Variants in GRID1 observed in about 807,000 individuals in gnomAD.
GRID1 encodes glutamate ionotropic receptor delta type subunit 1, also known as glutamate receptor ionotropic, delta-1.
A neutral mutation model predicts 98.0 loss-of-function variants in GRID1; 28 were observed. That is an observed-to-expected ratio of 0.29 (90% CI 0.21 to 0.39). GRID1 has a LOEUF of 0.39. Among genes scored for constraint, GRID1 ranks in the 10% least tolerant of loss-of-function variants. The probability of loss-of-function intolerance (pLI) is 1.00; values close to 1 mark genes in which losing one functional copy is unlikely to be tolerated. For missense variants in GRID1, 1,111 were observed against 1,340.5 expected (o/e 0.83, Z 2.67); for synonymous variants, 553 against 538.5 (o/e 1.03, Z -0.37).
chr10:86,294,330 C>A (rs778149269), intron 2 of GRID1, among the ~76,000 whole-genome samples: 17 of 152,172 alleles, frequency 1.1e-4, no homozygotes, highest in Non-Finnish European at 1.2e-4. Flanking sequence ...TTTCCTCTAG[C>A]GAGATGGGAG....
intron 14 of GRID1, among the ~76,000 whole-genome samples, chr10:85,618,420 C>T (rs1842817496): frequency 5.3e-5 from 8 of 152,204 alleles, no homozygotes; most frequent in Admixed American, 2.6e-4. Context: ...CTCAAGAACA[C>T]CAACGTGTTA....
intron 3 of GRID1, among the ~76,000 whole-genome samples, chr10:86,169,061 G>A (rs943459202): frequency 2.6e-5 from 4 of 152,324 alleles, no homozygotes; most frequent in Non-Finnish European, 4.4e-5. Context: ...TGTGTCTGAC[G>A]TAAAAGATGC....
chr10:85,885,725 C>T (rs1326654161), intron 5 of GRID1, among the ~76,000 whole-genome samples: 1 of 152,106 alleles, frequency 6.6e-6, no homozygotes, highest in Non-Finnish European at 1.5e-5. Flanking sequence ...AGAAAGATGA[C>T]TGAATACATC....
At chr10:86,092,732 T>C (rs1844167142) in intron 4 of GRID1, among the ~76,000 whole-genome samples, 2 of 152,146 alleles carry the variant, frequency 1.3e-5, no homozygotes. Flanking sequence ...CCCAAATTTA[T>C]AAAACAATTA....
intron 8 of GRID1, among the ~76,000 whole-genome samples, chr10:85,775,809 A>G (rs1460669521): frequency 6.6e-6 from 1 of 152,220 alleles, no homozygotes; most frequent in Admixed American, 6.5e-5. Context: ...GAAAATAACA[A>G]CATTAGGCAT....
At chr10:85,661,861 G>C (rs986867473) in intron 12 of GRID1, among the ~76,000 whole-genome samples, 1 of 152,182 alleles carries the variant, frequency 6.6e-6, no homozygotes, top group African/African-American at 2.4e-5. Context: ...ATTAATTTTA[G>C]GTGGAAGCTG....
intron 5 of GRID1, among the ~76,000 whole-genome samples, chr10:85,889,644 TGA>T (rs1209338303): frequency 2.0e-5 from 3 of 152,220 alleles, no homozygotes; most frequent in Non-Finnish European, 4.4e-5. Flanking sequence ...GCAATAAACA[TGA>T]GAGTTCAGGT....
chr10:85,858,161 C>G (rs1337732927), intron 6 of GRID1, among the ~76,000 whole-genome samples: 1 of 152,226 alleles, frequency 6.6e-6, no homozygotes, highest in African/African-American at 2.4e-5. Flanking sequence ...TGTCCTGTCC[C>G]CCAGCTCTGA....
chr10:86,172,235 A>G (rs1241533587), intron 3 of GRID1, among the ~76,000 whole-genome samples: 2 of 152,170 alleles, frequency 1.3e-5, no homozygotes, highest in Middle Eastern at 3.2e-3. Context: ...GACATTGCAT[A>G]TAAGTGGAAT....
At chr10:86,124,598 C>T (rs1844724181) in intron 4 of GRID1, among the ~76,000 whole-genome samples, 1 of 152,150 alleles carries the variant, frequency 6.6e-6, no homozygotes, top group Non-Finnish European at 1.5e-5. Flanking sequence ...GGGGTTGTCA[C>T]TACCCACATG....
intron 4 of GRID1, among the ~76,000 whole-genome samples, chr10:86,108,300 C>A (rs1346236265): frequency 6.6e-6 from 1 of 152,134 alleles, no homozygotes; most frequent in African/African-American, 2.4e-5. Context: ...ATCCAGCTTC[C>A]CCCAGTAAAA....
chr10:85,743,150 C>T (rs1425062249), intron 8 of GRID1, among the ~76,000 whole-genome samples: 1 of 125,106 alleles, frequency 8.0e-6, no homozygotes, highest in South Asian at 2.9e-4. Context: ...CTAGGAGAAT[C>T]CAGCTGCCCG....
chr10:86,033,315 T>A (rs979079624), intron 4 of GRID1, among the ~76,000 whole-genome samples: 6 of 151,848 alleles, frequency 4.0e-5, no homozygotes, highest in Non-Finnish European at 7.4e-5. Context: ...TAAGAGCCCA[T>A]GAGCACTTGC....
At chr10:85,853,516 CT>C (rs1345533407) in intron 8 of GRID1, among the ~76,000 whole-genome samples, 1 of 152,160 alleles carries the variant, frequency 6.6e-6, no homozygotes, top group African/African-American at 2.4e-5. Context: ...TCAGTCAATG[CT>C]TTCATTATTT....
At chr10:86,072,448 T>C (rs1384349164) in intron 4 of GRID1, among the ~76,000 whole-genome samples, 1 of 152,194 alleles carries the variant, frequency 6.6e-6, no homozygotes, top group African/African-American at 2.4e-5. Context: ...TATTTCCTCA[T>C]CTTACCCAGA....
chr10:85,863,840 C>T (rs1029305797), intron 6 of GRID1, among the ~76,000 whole-genome samples: 3 of 152,154 alleles, frequency 2.0e-5, no homozygotes, highest in Non-Finnish European at 4.4e-5. Context: ...GTATTCCAGC[C>T]TAGTATTTGT....
intron 4 of GRID1, among the ~76,000 whole-genome samples, chr10:85,957,602 C>T (rs17106028): frequency 0.12 from 18,620 of 152,162 alleles, 1,298 homozygotes; most frequent in Admixed American, 0.22. Flanking sequence ...ATATTCTCCC[C>T]GGTGAAAATG....
At chr10:86,258,489 T>C (rs1323454756) in intron 2 of GRID1, among the ~76,000 whole-genome samples, 1 of 152,212 alleles carries the variant, frequency 6.6e-6, no homozygotes, top group Non-Finnish European at 1.5e-5. Flanking sequence ...CTCACACTTT[T>C]TTTGTAGGTT....
intron 2 of GRID1, among the ~76,000 whole-genome samples, chr10:86,264,317 C>T (rs930022624): frequency 6.6e-6 from 1 of 152,218 alleles, no homozygotes; most frequent in African/African-American, 2.4e-5. Flanking sequence ...TACAACATTT[C>T]CTTGGCCCGG....
Sources: allele counts gnomAD v4.1 joint callset (sites outside exome capture counted in the v4.1 genomes callset), GRCh38; gene constraint gnomAD v4.1.1; transcripts MANE v1.5; gene names NCBI Gene and HGNC (gene_info 2026-07-23, HGNC 2026-07-21).